The following KCNMA1 variants were observed in gnomAD, a reference collection of about 807,000 sequenced individuals.
KCNMA1 encodes Calcium-activated potassium channel subunit alpha-1.
Under a neutral mutation model 140.0 loss-of-function variants are expected in KCNMA1, and 29 were observed. The ratio of observed to expected loss-of-function variants is 0.21; its 90% CI spans 0.15 to 0.28. The LOEUF is 0.28. Among genes scored for constraint, KCNMA1 ranks in the 10% least tolerant of loss-of-function variants. KCNMA1 has a pLI of 1.00. For missense variants in KCNMA1, 880 were observed against 1,602.2 expected (o/e 0.55, Z 7.70); for synonymous variants, 612 against 611.9 (o/e 1.00, Z 0.00).
intron 1 of KCNMA1, among the ~76,000 whole-genome samples, chr10:77,489,557 T>C (rs1054517305): frequency 1.3e-5 from 2 of 152,184 alleles, no homozygotes; most frequent in Non-Finnish European, 2.9e-5. Context: ...CAGGTTGACC[T>C]CGAACTCCTG....
chr10:77,452,881 A>G (rs16934809), intron 1 of KCNMA1, among the ~76,000 whole-genome samples: 12,371 of 152,244 alleles, frequency 0.081, 637 homozygotes, highest in East Asian at 0.14. Flanking sequence ...AATCAAGATG[A>G]TAAGAAAGAT....
At position 77,075,540 on chromosome 10, in the gene KCNMA1, A is replaced by G. The variant is rs569712725; in HGVS notation, c.1594-2288T>C. Among the ~76,000 whole-genome samples the G allele has an allele frequency of 7.2e-5, 11 of 152,352 alleles. No individual in the cohort carries two copies. The East Asian group carries it at 1.9e-3, about 27-fold the overall frequency. On this transcript the variant is annotated intron_variant, in intron 13 of 27. Coordinates refer to ENST00000286628, the MANE Select transcript of KCNMA1 (RefSeq NM_001161352.2). ...CCTATCCGCATGTGCTATCTAAGGT[A>G]TAAGGCTGAGGCATTTCATCCTTGG...
intron 1 of KCNMA1, among the ~76,000 whole-genome samples, chr10:77,468,652 C>T (rs1282635727): frequency 6.6e-6 from 1 of 152,174 alleles, no homozygotes; most frequent in Admixed American, 6.5e-5. Context: ...GCCCTGCCAA[C>T]ACCTTGATCT....
At chr10:76,909,944 AG>A in intron 25 of KCNMA1, 21 bp downstream of exon 25, 1 of 1,611,546 alleles carries the variant, frequency 6.2e-7, no homozygotes, top group Non-Finnish European at 8.5e-7. Flanking sequence ...TTGAGTGAGG[AG>A]GAGGGAACAG....
intron 9 of KCNMA1, among the ~76,000 whole-genome samples, chr10:77,099,296 A>C (rs1595911047): frequency 6.6e-6 from 1 of 152,050 alleles, no homozygotes; most frequent in Admixed American, 6.6e-5. Context: ...GTTGGGACTG[A>C]CCCTCCCATA....
At chr10:77,132,811 A>C (rs924371234) in intron 5 of KCNMA1, among the ~76,000 whole-genome samples, 7 of 152,360 alleles carry the variant, frequency 4.6e-5, no homozygotes, top group Admixed American at 4.6e-4. Flanking sequence ...AATTTGAACC[A>C]AGTAATATAT....
intron 15 of KCNMA1, among the ~76,000 whole-genome samples, chr10:77,028,273 T>G (rs939096760): frequency 3.3e-5 from 5 of 152,080 alleles, no homozygotes; most frequent in African/African-American, 1.2e-4. Flanking sequence ...TTATTTGGAT[T>G]CCGTTTCGGT....
chr10:77,454,654 G>A (rs753658827), intron 1 of KCNMA1, among the ~76,000 whole-genome samples: 4 of 152,128 alleles, frequency 2.6e-5, no homozygotes, highest in East Asian at 1.9e-4. Flanking sequence ...CACGATACAC[G>A]AACATGCTCT....
chr10:77,093,052 C>T lies in KCNMA1; in HGVS notation c.1224-2542G>A, dbSNP rs548656456. ...TATTATCCCTTAAGCCTTTAATTAA[C>T]TTTCACTTCTCTTAAGAAGTAGACA... On this transcript the variant is annotated intron_variant, in intron 9 of 27. Coordinates refer to ENST00000286628, the MANE Select transcript of KCNMA1 (RefSeq NM_001161352.2). 1.6e-4 allele frequency among the ~76,000 whole-genome samples: 25 copies of T among 152,270 alleles called. No individual in the cohort carries two copies. The South Asian group carries it at 3.9e-3, about 24-fold the overall frequency.
At chr10:76,910,156 A>C (rs1414345015) in intron 24 of KCNMA1, 60 bp from the exon 25 acceptor site, 2 of 1,582,078 alleles carry the variant, frequency 1.3e-6, no homozygotes, top group Non-Finnish European at 1.7e-6. Context: ...TTGAAGCCAG[A>C]GGGAGACCAG....
At chr10:77,552,819 C>A (rs537660737) in intron 1 of KCNMA1, among the ~76,000 whole-genome samples, 1 of 152,292 alleles carries the variant, frequency 6.6e-6, no homozygotes, top group African/African-American at 2.4e-5. Flanking sequence ...GAGGCTGAGG[C>A]AGGCCGATCA....
chr10:77,172,416 C>T (rs532414694), intron 5 of KCNMA1, among the ~76,000 whole-genome samples: 7 of 152,208 alleles, frequency 4.6e-5, no homozygotes, highest in South Asian at 2.1e-4. Flanking sequence ...TTATTTAAAG[C>T]GTGTCCCTGA....
chr10:77,352,239 AAC>A (rs1293996786), intron 2 of KCNMA1, among the ~76,000 whole-genome samples: 16 of 152,234 alleles, frequency 1.1e-4, no homozygotes, highest in Admixed American at 2.6e-4. Flanking sequence ...GTCAGAAAAC[AAC>A]AGTTTCTTAT....
At chr10:77,574,537 T>C (rs185099233) in intron 1 of KCNMA1, among the ~76,000 whole-genome samples, 20 of 152,226 alleles carry the variant, frequency 1.3e-4, no homozygotes, top group African/African-American at 3.9e-4. Context: ...AGAAGTCTCG[T>C]TAAATTCTCT....
At chr10:76,899,636 TA>T (rs1483521419) in intron 25 of KCNMA1, among the ~76,000 whole-genome samples, 5 of 152,272 alleles carry the variant, frequency 3.3e-5, no homozygotes, top group Non-Finnish European at 7.4e-5. Flanking sequence ...TGAAAATATT[TA>T]CCATCTGGCT....
intron 23 of KCNMA1, chr10:76,939,194 C>T (rs1296603289): frequency 7.9e-6 from 1 of 126,518 alleles, no homozygotes; most frequent in African/African-American, 3.1e-5. Context: ...GATTTTGGCT[C>T]AATGCAAGCT....
At chr10:77,113,417 A>G (rs775852153) in intron 6 of KCNMA1, among the ~76,000 whole-genome samples, 3 of 151,946 alleles carry the variant, frequency 2.0e-5, no homozygotes, top group South Asian at 2.1e-4. Flanking sequence ...GTTGTCTTCT[A>G]TAATGTTCTA....
chr10:77,275,857 T>A (rs530622747), intron 2 of KCNMA1, among the ~76,000 whole-genome samples: 22 of 152,296 alleles, frequency 1.4e-4, no homozygotes, highest in African/African-American at 5.3e-4. Context: ...AGTTATGTAA[T>A]CCACCCTGGG....
chr10:76,879,173 G>A (rs2033483084), intron 29 of KCNMA1, among the ~76,000 whole-genome samples: 1 of 152,084 alleles, frequency 6.6e-6, no homozygotes, highest in South Asian at 2.1e-4. Context: ...CACTCTGCTT[G>A]TTTCTCCTCA....
Sources: allele counts gnomAD v4.1 joint callset (sites outside exome capture counted in the v4.1 genomes callset), GRCh38; gene constraint gnomAD v4.1.1; transcripts MANE v1.5; gene names NCBI Gene and HGNC (gene_info 2026-07-23, HGNC 2026-07-21).